YTHDF2: variants seen among roughly 807,000 people sequenced by gnomAD.
YTHDF2 encodes YTH domain-containing family protein 2.
A neutral mutation model predicts 50.4 loss-of-function variants in YTHDF2; 2 were observed. That is an observed-to-expected ratio of 0.04 (90% CI 0.02 to 0.12). The LOEUF (loss-of-function observed/expected upper bound fraction) is 0.12, where lower values mean the gene tolerates loss of function less well. YTHDF2 is among the 10% of genes least tolerant of loss of function. YTHDF2 has a pLI of 1.00. For synonymous variants in YTHDF2, 217 were observed against 255.6 expected (o/e 0.85, Z 1.44); for missense variants, 483 against 722.6 (o/e 0.67, Z 3.80).
chr1:28,754,559 C>A (rs2088008314), intron 4 of YTHDF2, among the ~76,000 whole-genome samples: 1 of 150,468 alleles, frequency 6.6e-6, no homozygotes, highest in African/African-American at 2.5e-5. Context: ...CGCGGTGGCT[C>A]ATGCCTGTAA....
At chr1:28,749,436 T>G (rs1426214377) in intron 4 of YTHDF2, among the ~76,000 whole-genome samples, 2 of 152,114 alleles carry the variant, frequency 1.3e-5, no homozygotes, top group Non-Finnish European at 2.9e-5. Context: ...CGCCCCGGCC[T>G]CCCAAAGTGC....
chr1:28,755,027 G>A (rs2088016455), intron 4 of YTHDF2, among the ~76,000 whole-genome samples: 1 of 150,586 alleles, frequency 6.6e-6, no homozygotes, highest in South Asian at 2.1e-4. Context: ...TGCTTTTACA[G>A]TATTCTGGGG....
At chr1:28,766,503 G>T (rs1348486468) in intron 4 of YTHDF2, among the ~76,000 whole-genome samples, 1 of 152,134 alleles carries the variant, frequency 6.6e-6, no homozygotes, top group Admixed American at 6.6e-5. Flanking sequence ...ATACTGGGAG[G>T]TACAAGATGT....
intron 4 of YTHDF2, among the ~76,000 whole-genome samples, chr1:28,764,307 T>A (rs933652120): frequency 6.6e-6 from 1 of 151,622 alleles, no homozygotes; most frequent in East Asian, 1.9e-4. Context: ...AGTTTTGCTC[T>A]GTCACCCAGG....
chr1:28,742,448 T>A lies in YTHDF2; in HGVS notation c.178T>A (p.Tyr60Asn), dbSNP rs1359462436. 6.2e-7 allele frequency: 1 copy of A among 1,606,656 alleles called. No homozygotes were observed. The highest frequency in any genetic ancestry group is 1.3e-5 in the African/African-American group (1 of 74,522). The change falls in exon 4 of 5, where the codon TAC becomes AAC. Residue 60 changes from tyrosine to asparagine, a missense_variant. This residue lies in a region of YTHDF2 where 385 missense variants were observed against 475.8 expected (regional missense o/e 0.81). Coordinates refer to ENST00000373812, the MANE Select transcript of YTHDF2 (RefSeq NM_016258.3). The stretch of plus-strand genomic sequence containing the variant: ...GTCAGATTCCTACTTACCCAGTTAC[T>A]ACAGTCCCTCCATTGGCTTCTCCTA... ...AMSDSYLPSY[Y>N]SPSIGFSYSL...
intron 4 of YTHDF2, among the ~76,000 whole-genome samples, chr1:28,762,486 A>G (rs1053795591): frequency 6.6e-6 from 1 of 152,240 alleles, no homozygotes; most frequent in East Asian, 1.9e-4. Flanking sequence ...GTTTCTTTCA[A>G]GGTTCATGGG....
chr1:28,765,402 T>G (rs960217757), intron 4 of YTHDF2, among the ~76,000 whole-genome samples: 1 of 148,570 alleles, frequency 6.7e-6, no homozygotes, highest in South Asian at 2.1e-4. Flanking sequence ...TTCCCCCCAG[T>G]TTTATGTTTT....
At chr1:28,750,315 A>G (rs1433046833) in intron 4 of YTHDF2, among the ~76,000 whole-genome samples, 1 of 152,194 alleles carries the variant, frequency 6.6e-6, no homozygotes. Context: ...TAGATTCTTC[A>G]TGTCAAAAGA....
intron 4 of YTHDF2, among the ~76,000 whole-genome samples, chr1:28,753,704 CTT>C (rs550956079): frequency 3.0e-5 from 4 of 132,468 alleles, no homozygotes; most frequent in African/African-American, 2.8e-5. Context: ...GGATTTTATT[CTT>C]TTTTTTTTTT....
intron 3 of YTHDF2, chr1:28,739,004 G>A (rs931509549): frequency 1.3e-5 from 2 of 152,146 alleles, no homozygotes; most frequent in Non-Finnish European, 2.9e-5. Context: ...AGAATTTAGG[G>A]ATTCTTACAG....
intron 4 of YTHDF2, among the ~76,000 whole-genome samples, chr1:28,758,627 C>G (rs533346483): frequency 1.1e-4 from 17 of 152,316 alleles, no homozygotes; most frequent in African/African-American, 3.8e-4. Context: ...GTAAACAGTT[C>G]TGGATAATGC....
At position 28,762,937 on chromosome 1, in the gene YTHDF2, C is replaced by T. The variant is rs538511129; in HGVS notation, c.1717-5992C>T. ...ACCCGGGTTCAAGTGATTGATTCTC[C>T]TGCCTCAGCCTCCTGAATAGCTGGG... On this transcript the variant is annotated intron_variant, in intron 4 of 4. Coordinates refer to ENST00000373812, the MANE Select transcript of YTHDF2 (RefSeq NM_016258.3). Among the ~76,000 whole-genome samples, 11 of 152,044 alleles carry T rather than the reference C, an allele frequency of 7.2e-5. No homozygotes were observed. In the South Asian group the frequency reaches 2.3e-3, roughly 32 times the overall value.
intron 4 of YTHDF2, among the ~76,000 whole-genome samples, chr1:28,746,612 T>C (rs77121056): frequency 1.4e-5 from 2 of 146,116 alleles, no homozygotes; most frequent in Non-Finnish European, 3.0e-5. Flanking sequence ...AAAAAAAAAT[T>C]AGCTGGGTGT....
Position 28,737,668 on chromosome 1 carries a change from G to A in YTHDF2, c.38G>A (p.Gly13Asp). The change falls in exon 2 of 5, where the codon GGT becomes GAT. Residue 13 changes from glycine (G) to aspartate (D), a missense_variant. Physicochemically the swap from Gly to Asp is moderately conservative, Grantham distance 94. Around this residue, in one of 4 missense-constraint regions of YTHDF2, gnomAD observed 385 missense variants for 475.8 expected, o/e 0.81. Coordinates refer to ENST00000373812, the MANE Select transcript of YTHDF2 (RefSeq NM_016258.3). ...TTCCTTCCCCTGCAGAGACCAAAAG[G>A]TCAAGGAAACAAAGGTAAGTCCCGC... is the stretch of plus-strand genomic sequence containing the variant. ...ASSLLEQRPK[G>D]QGNKVQNGSV... is the part of the protein sequence containing the mutation. 1 of 1,613,772 alleles carries A rather than the reference G, an allele frequency of 6.2e-7. No individual in the cohort carries two copies. Among genetic ancestry groups the A allele is most frequent in the Non-Finnish European group, 8.5e-7 (1 of 1,179,836 alleles).
At chr1:28,737,966 G>A (rs535244143) in intron 2 of YTHDF2, 14 of 572,328 alleles carry the variant, frequency 2.4e-5, no homozygotes, top group South Asian at 2.4e-4. Context: ...TTTCATCCTC[G>A]TGGATCACTC....
At chr1:28,737,194 G>A (rs746796798) in intron 1 of YTHDF2, 47 bp downstream of exon 1, 4 of 1,532,326 alleles carry the variant, frequency 2.6e-6, no homozygotes, top group East Asian at 2.6e-5. Context: ...AGGCGAGAAG[G>A]AGCCCGACTA....
chr1:28,737,830 G>A, intron 2 of YTHDF2, 148 bp downstream of exon 2: 1 of 896,224 alleles, frequency 1.1e-6, no homozygotes, highest in Non-Finnish European at 1.7e-6. Context: ...GACCCTTTCG[G>A]TGTGTTCTTG....
chr1:28,737,038 C>T lies in YTHDF2; in HGVS notation c.-83C>T. On this transcript the variant is annotated 5_prime_UTR_variant, in exon 1 of 5. Coordinates refer to ENST00000373812, the MANE Select transcript of YTHDF2 (RefSeq NM_016258.3). ...TGTCAGGGACAAAAGCCTCCGCCTGCTCCCGCAGACGGGGCTCATCTGCCG... is the reference window on the plus strand; with the variant it reads ...TGTCAGGGACAAAAGCCTCCGCCTGTTCCCGCAGACGGGGCTCATCTGCCG... 1 of 1,526,038 alleles carries T rather than the reference C, an allele frequency of 6.6e-7. No homozygotes were observed. The highest frequency in any genetic ancestry group is 1.2e-5 in the South Asian group (1 of 83,490). 94.5% of individuals were successfully genotyped at this position (1,526,038 alleles called of 1,614,324 possible).
chr1:28,753,420 C>A (rs2124188957), intron 4 of YTHDF2, among the ~76,000 whole-genome samples: 1 of 123,898 alleles, frequency 8.1e-6, no homozygotes, highest in Admixed American at 9.1e-5. Context: ...TGATGAGGCA[C>A]ACCTGTAGTC....
Sources: gnomAD v4.1 joint callset for allele counts (sites outside exome capture counted in the v4.1 genomes callset) on GRCh38, gnomAD v4.1.1 for gene constraint, gnomAD v4.1.1 regional missense constraint, MANE v1.5 for transcripts, NCBI Gene and HGNC (gene_info 2026-07-23, HGNC 2026-07-21) for gene names.